Variants in BBS9 observed in about 807,000 individuals in gnomAD.
BBS9 encodes the protein Bardet-Biedl syndrome 9, also known as protein PTHB1.
Under a neutral mutation model 117.7 loss-of-function variants are expected in BBS9, and 89 were observed. That is an observed-to-expected ratio of 0.76 (90% confidence interval 0.64 to 0.90). The LOEUF (loss-of-function observed/expected upper bound fraction) is 0.90, where lower values mean the gene tolerates loss of function less well. BBS9 is among the 40% of genes least tolerant of loss of function. BBS9 has a pLI of 0.00. For missense variants in BBS9, 982 were observed against 1,042.2 expected (o/e 0.94, Z 0.80); for synonymous variants, 379 against 370.9 (o/e 1.02, Z -0.25).
chr7:33,594,242 T>A (rs1028888057), intron 21 of BBS9, among the ~76,000 whole-genome samples: 4 of 152,140 alleles, frequency 2.6e-5, no homozygotes, highest in Non-Finnish European at 4.4e-5. Context: ...AATATTTTCA[T>A]ACATGGGTAC....
intron 20 of BBS9, among the ~76,000 whole-genome samples, chr7:33,515,453 A>G (rs1847614556): frequency 6.6e-6 from 1 of 152,154 alleles, no homozygotes; most frequent in Non-Finnish European, 1.5e-5. Context: ...TGTTGCCTTC[A>G]TGATTTCTTT....
intron 20 of BBS9, among the ~76,000 whole-genome samples, chr7:33,511,929 A>G (rs1388523981): frequency 1.3e-5 from 2 of 152,220 alleles, no homozygotes; most frequent in Admixed American, 6.5e-5. Flanking sequence ...TGCCGTTATT[A>G]ATGACCTCTT....
chr7:33,571,883 T>G (rs1857861494), intron 21 of BBS9, among the ~76,000 whole-genome samples: 1 of 152,050 alleles, frequency 6.6e-6, no homozygotes, highest in African/African-American at 2.4e-5. Flanking sequence ...ATGATCAAAT[T>G]AGGGTAATTG....
chr7:33,211,622 G>A (rs1179558341), intron 5 of BBS9, among the ~76,000 whole-genome samples: 1 of 152,122 alleles, frequency 6.6e-6, no homozygotes, highest in Non-Finnish European at 1.5e-5. Flanking sequence ...CTTAATGTAA[G>A]AGTAGTTTAC....
At chr7:33,565,865 T>TAC (rs1856853671) in intron 21 of BBS9, among the ~76,000 whole-genome samples, 1 of 139,640 alleles carries the variant, frequency 7.2e-6, no homozygotes, top group Non-Finnish European at 1.5e-5. Flanking sequence ...TATATATATA[T>TAC]ATATAGCTAT....
At chr7:33,529,540 G>A (rs1384766580) in intron 20 of BBS9, among the ~76,000 whole-genome samples, 1 of 152,136 alleles carries the variant, frequency 6.6e-6, no homozygotes, top group Non-Finnish European at 1.5e-5. Context: ...TAACGACAAG[G>A]GCTGTGGAAA....
intron 5 of BBS9, among the ~76,000 whole-genome samples, chr7:33,203,205 A>T (rs1786221901): frequency 6.6e-6 from 1 of 152,218 alleles, no homozygotes; most frequent in Non-Finnish European, 1.5e-5. Flanking sequence ...GCTGGCTGAT[A>T]AAAACTACAC....
chr7:33,272,418 G>T (rs1799949548), intron 7 of BBS9, among the ~76,000 whole-genome samples: 1 of 152,184 alleles, frequency 6.6e-6, no homozygotes, highest in East Asian at 1.9e-4. Context: ...GTGTGTCTTT[G>T]CTCTTTTGCA....
intron 20 of BBS9, among the ~76,000 whole-genome samples, chr7:33,517,457 A>T (rs913690022): frequency 2.6e-5 from 4 of 152,210 alleles, no homozygotes; most frequent in African/African-American, 9.7e-5. Context: ...TAGTAGATTA[A>T]TGCCCAGGTT....
chr7:33,498,140 G>A (rs1347195914), intron 19 of BBS9, among the ~76,000 whole-genome samples: 1 of 152,132 alleles, frequency 6.6e-6, no homozygotes, highest in African/African-American at 2.4e-5. Context: ...AGCATCACCA[G>A]TAGTCATAGT....
At chr7:33,169,681 G>C (rs1270442889) in intron 4 of BBS9, among the ~76,000 whole-genome samples, 1 of 151,890 alleles carries the variant, frequency 6.6e-6, no homozygotes, top group Admixed American at 6.6e-5. Flanking sequence ...TTGTAAATCT[G>C]TTTGAGTTCA....
intron 21 of BBS9, among the ~76,000 whole-genome samples, chr7:33,557,993 A>G (rs913511992): frequency 2.6e-5 from 4 of 152,256 alleles, no homozygotes; most frequent in African/African-American, 4.8e-5. Flanking sequence ...TGGCTCATGA[A>G]GTCAGTTCAT....
chr7:33,246,087 C>T (rs1169229306), intron 5 of BBS9, among the ~76,000 whole-genome samples: 2 of 152,014 alleles, frequency 1.3e-5, no homozygotes, highest in African/African-American at 2.4e-5. Context: ...TTTTACTAAA[C>T]GTGGTATTTT....
At chr7:33,614,572 A>T (rs915926984) in intron 21 of BBS9, among the ~76,000 whole-genome samples, 1 of 152,048 alleles carries the variant, frequency 6.6e-6, no homozygotes, top group Non-Finnish European at 1.5e-5. Context: ...ATACAGGTGC[A>T]TACAGAGAAT....
chr7:33,137,594 A>G (rs1315651357), intron 1 of BBS9, among the ~76,000 whole-genome samples: 3 of 152,120 alleles, frequency 2.0e-5, no homozygotes, highest in South Asian at 2.1e-4. Context: ...TGGTATCCCA[A>G]CTTTGTACTG....
chr7:33,462,275 A>G lies in BBS9; in HGVS notation c.2116-43188A>G, dbSNP rs536029682. ...GCCATGACTGTCTTTTGTATCCCAGATATATTTACATTTGAAGTTGGTCAG... is the reference window on the plus strand; with the variant it reads ...GCCATGACTGTCTTTTGTATCCCAGGTATATTTACATTTGAAGTTGGTCAG... On this transcript the variant is annotated intron_variant, in intron 19 of 22. Transcript: ENST00000242067. 5.2e-4 allele frequency among the ~76,000 whole-genome samples: 79 copies of G among 152,152 alleles called. 1 individual carries two copies. In the South Asian group the frequency reaches 0.016, roughly 31 times the overall value.
intron 21 of BBS9, among the ~76,000 whole-genome samples, chr7:33,581,207 A>C (rs1402755134): frequency 6.6e-6 from 1 of 152,122 alleles, no homozygotes; most frequent in African/African-American, 2.4e-5. Flanking sequence ...CTTCGGGGAA[A>C]AAGACTATAA....
chr7:33,444,148 A>G lies in BBS9; in HGVS notation c.2115+56004A>G, dbSNP rs999255410. On this transcript the variant is annotated intron_variant, in intron 19 of 22. Coordinates refer to ENST00000242067, the MANE Select transcript of BBS9 (RefSeq NM_198428.3). ...TGACCTTGCACATCTGTATTTCACT[A>G]GACCCTCAGAATAGAGATGCCCACC... Among the ~76,000 whole-genome samples, 22 of 152,300 alleles carry G rather than the reference A, an allele frequency of 1.4e-4. No homozygotes were observed. The East Asian group carries it at 4.1e-3, about 28-fold the overall frequency.
At chr7:33,621,393 C>G (rs541228654) in intron 21 of BBS9, among the ~76,000 whole-genome samples, 2 of 152,228 alleles carry the variant, frequency 1.3e-5, no homozygotes, top group African/African-American at 4.8e-5. Context: ...CCTGAATAGA[C>G]ATTTCTCAAA....
Sources: allele counts gnomAD v4.1 joint callset (sites outside exome capture counted in the v4.1 genomes callset), GRCh38; gene constraint gnomAD v4.1.1; transcripts MANE v1.5; gene names NCBI Gene and HGNC (gene_info 2026-07-23, HGNC 2026-07-21).